FAM193A: variants seen among roughly 807,000 people sequenced by gnomAD.
The protein encoded by FAM193A is protein FAM193A.
In FAM193A, 22 loss-of-function variants were observed where a neutral mutation model predicts 126.5. That is an observed-to-expected ratio of 0.17 (90% CI 0.12 to 0.25). The LOEUF (loss-of-function observed/expected upper bound fraction) is 0.25. Among genes scored for constraint, FAM193A ranks in the 10% least tolerant of loss-of-function variants. The pLI, the probability that FAM193A is intolerant of heterozygous loss-of-function variation, is 1.00. For synonymous variants in FAM193A, 761 were observed against 646.8 expected, an observed-to-expected ratio of 1.18 and a Z score of -2.68; for missense variants, 1,675 against 1,672.8, an observed-to-expected ratio of 1.00 and a Z score of -0.02.
At chr4:2,543,254 A>AT (rs1407013277) in intron 1 of FAM193A, among the ~76,000 whole-genome samples, 1 of 151,542 alleles carries the variant, frequency 6.6e-6, no homozygotes, top group Non-Finnish European at 1.5e-5. Context: ...TGCCCAGCTT[A>AT]TTTTTTGTAT....
intron 19 of FAM193A, among the ~76,000 whole-genome samples, chr4:2,705,376 G>T (rs1577241976): frequency 6.6e-6 from 1 of 152,154 alleles, no homozygotes; most frequent in South Asian, 2.1e-4. Context: ...ATTGCCTCTG[G>T]ATTTTGAATA....
intron 1 of FAM193A, among the ~76,000 whole-genome samples, chr4:2,571,301 C>T (rs917066562): frequency 1.3e-5 from 2 of 152,140 alleles, no homozygotes; most frequent in Non-Finnish European, 2.9e-5. Context: ...ATTATCCATT[C>T]TGAGCCCTGG....
intron 1 of FAM193A, among the ~76,000 whole-genome samples, chr4:2,570,615 C>T (rs913353316): frequency 1.1e-4 from 16 of 152,122 alleles, no homozygotes; most frequent in African/African-American, 3.9e-4. Context: ...AATGGGAACT[C>T]ATTTCTCCCC....
intron 14 of FAM193A, 72 bp from the exon 15 acceptor site, chr4:2,690,626 C>G (rs1012882117): frequency 1.5e-5 from 21 of 1,401,022 alleles, no homozygotes; most frequent in African/African-American, 1.4e-4. Flanking sequence ...GTTCAGTCAT[C>G]AGCATGTCTT....
chr4:2,675,822 A>G (rs1022723560), intron 13 of FAM193A, among the ~76,000 whole-genome samples: 7 of 152,228 alleles, frequency 4.6e-5, no homozygotes, highest in Admixed American at 6.5e-5. Flanking sequence ...CTGGGCATCC[A>G]TTATTCTACT....
intron 1 of FAM193A, among the ~76,000 whole-genome samples, chr4:2,544,416 A>G (rs968811810): frequency 6.6e-6 from 1 of 152,102 alleles, no homozygotes; most frequent in African/African-American, 2.4e-5. Flanking sequence ...AATTCTAATT[A>G]GCCTGGCCAG....
intron 20 of FAM193A, among the ~76,000 whole-genome samples, chr4:2,718,599 C>T (rs547364988): frequency 1.5e-4 from 23 of 151,998 alleles, no homozygotes; most frequent in South Asian, 2.1e-4. Context: ...TGGTGGCATG[C>T]GCCTGTAGTC....
chr4:2,647,729 C>T (rs936090536), intron 7 of FAM193A, among the ~76,000 whole-genome samples: 8 of 152,104 alleles, frequency 5.3e-5, no homozygotes, highest in Admixed American at 2.0e-4. Context: ...CAGGGTTGGG[C>T]CAGGAAGGAA....
At chr4:2,537,786 C>G (rs1196823867) in intron 1 of FAM193A, among the ~76,000 whole-genome samples, 1 of 152,194 alleles carries the variant, frequency 6.6e-6, no homozygotes, top group Admixed American at 6.5e-5. Context: ...AGCTGGCAGC[C>G]CTGGCCCCTC....
At chr4:2,648,755 G>C (rs371350672) in intron 7 of FAM193A, among the ~76,000 whole-genome samples, 1 of 152,260 alleles carries the variant, frequency 6.6e-6, no homozygotes, top group African/African-American at 2.4e-5. Context: ...TCACAAGTTT[G>C]CTGTTCTGGT....
At chr4:2,614,991 G>A (rs1393950644) in intron 2 of FAM193A, 1 of 151,860 alleles carries the variant, frequency 6.6e-6, no homozygotes, top group Non-Finnish European at 1.5e-5. Context: ...TTTCCCCTAA[G>A]ACTGGCTAGA....
intron 1 of FAM193A, among the ~76,000 whole-genome samples, chr4:2,566,479 C>T: frequency 6.6e-6 from 1 of 152,108 alleles, no homozygotes; most frequent in Admixed American, 6.5e-5. Flanking sequence ...CACTTGAAGT[C>T]AGAAGTTTGA....
intron 1 of FAM193A, among the ~76,000 whole-genome samples, chr4:2,582,034 A>AG (rs1739972205): frequency 6.6e-6 from 1 of 152,156 alleles, no homozygotes; most frequent in South Asian, 2.1e-4. Flanking sequence ...AAGATTTTAG[A>AG]GAAATTACTC....
intron 1 of FAM193A, among the ~76,000 whole-genome samples, chr4:2,590,709 A>G (rs1489597726): frequency 4.6e-5 from 7 of 151,702 alleles, no homozygotes; most frequent in Admixed American, 3.9e-4. Flanking sequence ...TTTGTAGTAT[A>G]ATGAATATAT....
At chr4:2,678,505 G>A (rs1209355287) in intron 13 of FAM193A, among the ~76,000 whole-genome samples, 1 of 151,948 alleles carries the variant, frequency 6.6e-6, no homozygotes, top group Non-Finnish European at 1.5e-5. Context: ...TGGGATTACA[G>A]GCATGCGCCT....
rs766981878 is a variant in FAM193A, at chr4:2,663,306, G to C, written c.2079+18G>C. ...CACAGCAGGTAGGACTTTGCTTGCTGTTTTGCCAAGGATCTCTTTTTCTGT... is the reference window on the plus strand; with the variant it reads ...CACAGCAGGTAGGACTTTGCTTGCTCTTTTGCCAAGGATCTCTTTTTCTGT... On this transcript the variant is annotated intron_variant, in intron 12 of 20. Transcript: ENST00000637812. 18 of 1,535,342 alleles carry C rather than the reference G, an allele frequency of 1.2e-5. No homozygotes were observed. Among genetic ancestry groups the C allele is most frequent in the Middle Eastern group, 4.4e-4 (2 of 4,496 alleles).
Position 2,663,325 on chromosome 4 carries a change from T to C in FAM193A, c.2079+37T>C. 4 of 1,488,606 alleles carry C rather than the reference T, an allele frequency of 2.7e-6. No homozygotes were observed. The South Asian group carries it at 4.0e-5, about 15-fold the overall frequency. The allele number at this position is 1,488,606 out of a possible 1,614,324, so 92.2% of individuals were successfully genotyped here. Reference sequence around the variant, plus strand: ...CTTGCTGTTTTGCCAAGGATCTCTTTTTCTGTGTGTATTTTCTCTAAACAT... The same window carrying C: ...CTTGCTGTTTTGCCAAGGATCTCTTCTTCTGTGTGTATTTTCTCTAAACAT... On this transcript the variant is annotated intron_variant, in intron 12 of 20. Transcript: ENST00000637812.
chr4:2,612,184 A>T (rs1741920169), intron 2 of FAM193A, among the ~76,000 whole-genome samples: 1 of 151,540 alleles, frequency 6.6e-6, no homozygotes, highest in South Asian at 2.1e-4. Context: ...CCATGTAAGA[A>T]ATCTTTGCTA....
chr4:2,699,185 A>G (rs778369966), intron 18 of FAM193A, among the ~76,000 whole-genome samples: 31 of 152,158 alleles, frequency 2.0e-4, no homozygotes, highest in Non-Finnish European at 4.0e-4. Context: ...TTCCCTGTTC[A>G]AGTGAATGCA....
Sources: allele counts gnomAD v4.1 joint callset (sites outside exome capture counted in the v4.1 genomes callset), GRCh38; gene constraint gnomAD v4.1.1; transcripts MANE v1.5; gene names NCBI Gene and HGNC (gene_info 2026-07-23, HGNC 2026-07-21).